RDH10: variants seen among roughly 807,000 people sequenced by gnomAD.
RDH10 encodes retinol dehydrogenase 10.
In RDH10, 12 loss-of-function variants were observed where a neutral mutation model predicts 30.2. That is an observed-to-expected ratio of 0.40 (90% CI 0.25 to 0.64). RDH10 has a LOEUF of 0.64. Ranked by LOEUF, RDH10 falls within the 30% of genes least tolerant of loss-of-function variation. The pLI is 0.43. For missense variants in RDH10, 268 were observed against 445.2 expected, an observed-to-expected ratio of 0.60 and a Z score of 3.58; for synonymous variants, 189 against 172.2, an observed-to-expected ratio of 1.10 and a Z score of -0.76.
intron 2 of RDH10, among the ~76,000 whole-genome samples, chr8:73,304,368 T>C (rs1814433383): frequency 6.6e-6 from 1 of 152,184 alleles, no homozygotes; most frequent in Admixed American, 6.5e-5. Flanking sequence ...CCTTTCCTAC[T>C]TCATCCTGTG....
chr8:73,296,870 T>C (rs1814275429), intron 1 of RDH10: 1 of 352,846 alleles, frequency 2.8e-6, no homozygotes, highest in Non-Finnish European at 5.5e-6. Flanking sequence ...TTCTCTGAGC[T>C]CTGGGCTGAG....
At position 73,312,479 on chromosome 8, in the gene RDH10, T is replaced by C. The variant is rs189525370; in HGVS notation, c.526-6617T>C. 3.9e-5 allele frequency: 6 copies of C among 152,340 alleles called. No individual in the cohort carries two copies. In the East Asian group the frequency reaches 9.6e-4, roughly 24 times the overall value. 9.4% of individuals were successfully genotyped at this position (152,340 alleles called of 1,614,324 possible). A position where few individuals can be genotyped will look rare whatever the true frequency, so the allele number is the denominator to read the frequency against. ...CTTTTGCATCATTTTCCAGGAACAG[T>C]GACTGAGTTCTCAGAGAAGAGCGCC... On this transcript the variant is annotated intron_variant, in intron 2 of 5. Transcript: ENST00000240285.
In RDH10 at chr8:73,295,574, G is replaced by A. The variant is rs1269156033; in HGVS notation, c.285G>A (p.Leu95=). Residue 95 remains leucine (L), a synonymous_variant, in exon 1 of 6, where the codon CTG becomes CTA. Coordinates refer to ENST00000240285, the MANE Select transcript of RDH10 (RefSeq NM_172037.5). ...RDLEAADAAA[L]QAGNGEEEIL... ...TGGAGGCGGCCGACGCCGCTGCGCTGCAAGGTAACCTGGACCCGCGCGGGA... is the reference window on the plus strand; with the variant it reads ...TGGAGGCGGCCGACGCCGCTGCGCTACAAGGTAACCTGGACCCGCGCGGGA... 2 of 1,517,978 alleles carry A rather than the reference G, an allele frequency of 1.3e-6. No individual in the cohort carries two copies. The highest frequency in any genetic ancestry group is 1.8e-6 in the Non-Finnish European group (2 of 1,134,362). 94.0% of individuals were successfully genotyped at this position (1,517,978 alleles called of 1,614,324 possible). A position where few individuals can be genotyped will look rare whatever the true frequency, so the allele number is the denominator to read the frequency against.
At chr8:73,296,924 A>G (rs1201324639) in intron 1 of RDH10, 1 of 417,676 alleles carries the variant, frequency 2.4e-6, no homozygotes, top group African/African-American at 2.0e-5. Context: ...AGCTGATCCC[A>G]TGTGGTCTAC....
intron 4 of RDH10, chr8:73,321,663 A>G (rs1814772329): frequency 5.3e-6 from 2 of 375,494 alleles, no homozygotes; most frequent in South Asian, 3.9e-5. Flanking sequence ...ATAAATGTCA[A>G]GTTACATCTG....
At chr8:73,315,580 G>A (rs555257546) in intron 2 of RDH10, 2 of 455,810 alleles carry the variant, frequency 4.4e-6, no homozygotes, top group East Asian at 1.4e-4. Flanking sequence ...ATGTGGTGCT[G>A]GGGATCTGGA....
At chr8:73,316,618 T>A (rs1436003556) in intron 2 of RDH10, among the ~76,000 whole-genome samples, 1 of 152,214 alleles carries the variant, frequency 6.6e-6, no homozygotes, top group African/African-American at 2.4e-5. Flanking sequence ...TATTAGTCTG[T>A]TCTCATACTG....
At chr8:73,320,440 GTTTTTTTTTTGT>G (rs535211250) in intron 3 of RDH10, among the ~76,000 whole-genome samples, 1,658 of 140,810 alleles carry the variant, frequency 0.012, 13 homozygotes, top group South Asian at 0.026. Context: ...TCTGGTTTGT[GTTTTTTTTTTGT>G]TTTTGTTTTT....
intron 2 of RDH10, among the ~76,000 whole-genome samples, chr8:73,318,437 C>T (rs1308853442): frequency 6.6e-6 from 1 of 152,170 alleles, no homozygotes; most frequent in Admixed American, 6.5e-5. Context: ...GCGGTGAAAC[C>T]CATGTTGGAA....
rs1814243197 is a variant in RDH10 at position 73,295,403 on chromosome 8, G to T, written c.114G>T (p.Val38=). The change falls in exon 1 of 6, where the codon GTG becomes GTT. Residue 38 remains valine, a synonymous_variant. Coordinates refer to ENST00000240285, the MANE Select transcript of RDH10 (RefSeq NM_172037.5). Reference sequence around the variant, plus strand: ...AGGAGAAGAGCGTGGCGGGCCAGGTGTGCCTCATCACCGGCGCCGGCAGCG... The same window carrying T: ...AGGAGAAGAGCGTGGCGGGCCAGGTTTGCCTCATCACCGGCGCCGGCAGCG... ...RPKEKSVAGQ[V]CLITGAGSGL... The T allele has an allele frequency of 6.4e-7, 1 of 1,550,494 alleles. No individual in the cohort carries two copies. The highest frequency in any genetic ancestry group is 1.2e-5 in the South Asian group (1 of 84,394).
intron 2 of RDH10, among the ~76,000 whole-genome samples, chr8:73,317,085 A>G (rs1387184609): frequency 6.6e-6 from 1 of 152,222 alleles, no homozygotes; most frequent in Non-Finnish European, 1.5e-5. Flanking sequence ...TGGAAGATTG[A>G]TCTGGGTCTT....
chr8:73,294,660 G>C lies in RDH10; in HGVS notation c.-630G>C, dbSNP rs1458676128. On this transcript the variant is annotated 5_prime_UTR_variant, in exon 1 of 6. Transcript: ENST00000240285. ...GGCTGCGCTGCGGAGCCCAGTGCCCGAGTGACACCCGCGGAGAGTGCAGGG... is the reference window on the plus strand; with the variant it reads ...GGCTGCGCTGCGGAGCCCAGTGCCCCAGTGACACCCGCGGAGAGTGCAGGG... The C allele has an allele frequency of 5.7e-6, 2 of 352,820 alleles. No homozygotes were observed. The highest frequency in any genetic ancestry group is 4.7e-5 in the Admixed American group (1 of 21,152). The allele number at this position is 352,820 out of a possible 1,614,324, so 21.9% of individuals were successfully genotyped here.
In RDH10 at chr8:73,319,182, T is replaced by G; in HGVS notation, c.612T>G (p.Thr204=). 1 of 1,609,884 alleles carries G rather than the reference T, an allele frequency of 6.2e-7. No individual in the cohort carries two copies. The highest frequency in any genetic ancestry group is 8.5e-7 in the Non-Finnish European group (1 of 1,176,314). Residue 204 remains threonine (T), a synonymous_variant, in exon 3 of 6, where the codon ACT becomes ACG. Transcript: ENST00000240285. ...TVASSLGLFS[T]AGVEDYCASK... is the part of the protein sequence containing the mutation. ...CAAGTTCCTTGGGATTGTTCAGTAC[T>G]GCCGGAGTTGAGGTTTGTCAGATAT...
At chr8:73,302,074 C>T (rs1316554674) in intron 2 of RDH10, among the ~76,000 whole-genome samples, 2 of 152,118 alleles carry the variant, frequency 1.3e-5, no homozygotes, top group Non-Finnish European at 2.9e-5. Flanking sequence ...TCTTTCCTTC[C>T]CTCTTAACCA....
Position 73,324,865 on chromosome 8 carries a change from G to A in RDH10, c.*1829G>A, listed in dbSNP as rs775731977. 1 of 152,232 alleles carries A rather than the reference G, an allele frequency of 6.6e-6. No homozygotes were observed. Among genetic ancestry groups the A allele is most frequent in the Admixed American group, 6.5e-5 (1 of 15,278 alleles). 9.4% of individuals were successfully genotyped at this position (152,232 alleles called of 1,614,324 possible). A position where few individuals can be genotyped will look rare whatever the true frequency, so the allele number is the denominator to read the frequency against. The stretch of plus-strand genomic sequence containing the variant: ...GTCTACATATAGGAAAGGTCCTGGT[G>A]TGTGCTAATGTTCCCAATGCAGGAC... On this transcript the variant is annotated 3_prime_UTR_variant, in exon 6 of 6. Coordinates refer to ENST00000240285, the MANE Select transcript of RDH10 (RefSeq NM_172037.5).
chr8:73,319,057 T>G, intron 2 of RDH10, 39 bp from the exon 3 acceptor site: 1 of 1,376,266 alleles, frequency 7.3e-7, no homozygotes, highest in Non-Finnish European at 1.0e-6. Flanking sequence ...ATGAAATTCA[T>G]GAAATCAGTT....
intron 2 of RDH10, among the ~76,000 whole-genome samples, chr8:73,298,718 G>T (rs1814323056): frequency 6.6e-6 from 1 of 152,036 alleles, no homozygotes; most frequent in South Asian, 2.1e-4. Context: ...AGTAGAGATG[G>T]GGTTTCATGG....
intron 2 of RDH10, among the ~76,000 whole-genome samples, chr8:73,313,703 G>A (rs1814612948): frequency 6.6e-6 from 1 of 152,104 alleles, no homozygotes; most frequent in Admixed American, 6.5e-5. Context: ...CCTAGATCAA[G>A]AGTCAACCAT....
At chr8:73,317,979 A>G (rs1814703535) in intron 2 of RDH10, among the ~76,000 whole-genome samples, 2 of 147,160 alleles carry the variant, frequency 1.4e-5, no homozygotes, top group African/African-American at 5.0e-5. Flanking sequence ...GCAAAAACTC[A>G]GTGATACCGT....
Sources: allele counts gnomAD v4.1 joint callset (sites outside exome capture counted in the v4.1 genomes callset), GRCh38; gene constraint gnomAD v4.1.1; transcripts MANE v1.5; gene names NCBI Gene and HGNC (gene_info 2026-07-23, HGNC 2026-07-21).